Variants in THSD4 observed in about 807,000 individuals in gnomAD.
The protein encoded by THSD4 is thrombospondin type 1 domain containing 4.
In THSD4, 69 loss-of-function variants were observed where a neutral mutation model predicts 119.0. The ratio of observed to expected loss-of-function variants is 0.58; its 90% confidence interval spans 0.48 to 0.71. THSD4 has a LOEUF of 0.71. Ranked by LOEUF, THSD4 falls within the 30% of genes least tolerant of loss-of-function variation. THSD4 has a pLI of 0.00. For missense variants in THSD4, 1,393 were observed against 1,391.1 expected (o/e 1.00, Z -0.02); for synonymous variants, 524 against 540.4 (o/e 0.97, Z 0.42).
intron 6 of THSD4, among the ~76,000 whole-genome samples, chr15:71,258,508 A>G (rs898939860): frequency 2.6e-5 from 4 of 152,190 alleles, no homozygotes; most frequent in Non-Finnish European, 5.9e-5. Context: ...TGTTAACATT[A>G]TGCGAAGCTG....
chr15:71,619,186 G>T lies in THSD4; in HGVS notation c.1153-41344G>T, dbSNP rs150590873. On this transcript the variant is annotated intron_variant, in intron 7 of 17. Transcript: ENST00000261862. ...GGGGTTTCACCATGTTGGCCAGGCT[G>T]GTCTTGAACTCCTGACCTCAGATGA... is the stretch of plus-strand genomic sequence containing the variant. Among the ~76,000 whole-genome samples the T allele has an allele frequency of 5.9e-3, 895 of 151,906 alleles. 7 individuals are homozygous for T. Among genetic ancestry groups the T allele is most frequent in the African/African-American group, 0.021 (866 of 41,408 alleles).
intron 6 of THSD4, among the ~76,000 whole-genome samples, chr15:71,333,845 T>C (rs1287246320): frequency 6.6e-6 from 1 of 152,344 alleles, no homozygotes; most frequent in East Asian, 1.9e-4. Flanking sequence ...TGAAAATATA[T>C]GAACTTTCGT....
chr15:71,510,187 C>A (rs1161633656), intron 7 of THSD4, among the ~76,000 whole-genome samples: 6 of 152,310 alleles, frequency 3.9e-5, no homozygotes, highest in Admixed American at 6.5e-5. Context: ...TAGCGCTCAG[C>A]ACAGTGTCTA....
intron 7 of THSD4, among the ~76,000 whole-genome samples, chr15:71,443,663 G>A (rs527655058): frequency 2.0e-5 from 3 of 148,212 alleles, no homozygotes; most frequent in African/African-American, 7.5e-5. Context: ...CAGAACCGCA[G>A]CATCCCAGAT....
rs371800823 is a variant in THSD4 at position 71,681,741 on chromosome 15, C to CAAGCA, written c.1357+21008_1357+21012dup. ...TAACTAACTGATAGTGAACTAAGAT[C>CAAGCA]AAGCACCGTTTGAGTTGTATCCAGT... On this transcript the variant is annotated intron_variant, in intron 8 of 17. Transcript: ENST00000261862. Among the ~76,000 whole-genome samples, 830 of 151,388 alleles carry CAAGCA rather than the reference C, an allele frequency of 5.5e-3. 8 individuals carry two copies. The highest frequency in any genetic ancestry group is 0.018 in the African/African-American group (744 of 41,284).
chr15:71,720,366 A>G (rs1486654976), intron 8 of THSD4, among the ~76,000 whole-genome samples: 2 of 152,196 alleles, frequency 1.3e-5, no homozygotes, highest in African/African-American at 4.8e-5. Flanking sequence ...CTTCTTTAAC[A>G]TTAAAATAGG....
At chr15:71,660,434 T>C (rs2051278884) in intron 7 of THSD4, 96 bp from the exon 8 acceptor site, 2 of 1,479,250 alleles carry the variant, frequency 1.4e-6, no homozygotes, top group Non-Finnish European at 9.3e-7. Context: ...CGTAAATAGC[T>C]AGAAAAGAAA....
chr15:71,564,665 G>T lies in THSD4; in HGVS notation c.1153-95865G>T, dbSNP rs969921443. 5.5e-3 allele frequency among the ~76,000 whole-genome samples: 68 copies of T among 12,344 alleles called. 9 individuals are homozygous for T. Among genetic ancestry groups the T allele is most frequent in the Non-Finnish European group, 6.7e-3 (37 of 5,530 alleles). The allele number at this position is 12,344 out of a possible 152,430, so 8.1% of individuals were successfully genotyped here. A position where few individuals can be genotyped will look rare whatever the true frequency, so the allele number is the denominator to read the frequency against. Reference sequence around the variant, plus strand: ...ATTATAACATATAATACAATATATAGTATATTATAACATATAATACAATAT... The same window carrying T: ...ATTATAACATATAATACAATATATATTATATTATAACATATAATACAATAT... On this transcript the variant is annotated intron_variant, in intron 7 of 17. Coordinates refer to ENST00000261862, the MANE Select transcript of THSD4 (RefSeq NM_024817.3).
chr15:71,350,338 C>G (rs2140404442), intron 6 of THSD4, among the ~76,000 whole-genome samples: 1 of 152,086 alleles, frequency 6.6e-6, no homozygotes, highest in South Asian at 2.1e-4. Flanking sequence ...TTGGCACCTT[C>G]ACTTTGAAGC....
At chr15:71,511,041 G>A (rs2048276055) in intron 7 of THSD4, among the ~76,000 whole-genome samples, 1 of 152,134 alleles carries the variant, frequency 6.6e-6, no homozygotes, top group African/African-American at 2.4e-5. Context: ...GTGATAAAGA[G>A]ATGTTTTGCT....
chr15:71,593,590 T>C (rs1020872198), intron 7 of THSD4, among the ~76,000 whole-genome samples: 5 of 151,902 alleles, frequency 3.3e-5, no homozygotes, highest in Admixed American at 2.6e-4. Flanking sequence ...GTCCTCGGTG[T>C]TTGGATGCAA....
intron 1 of THSD4, 26 bp from the exon 2 acceptor site, chr15:71,141,422 TA>T: frequency 8.1e-7 from 1 of 1,233,774 alleles, no homozygotes; most frequent in Non-Finnish European, 1.1e-6. Flanking sequence ...TAAATGTTGC[TA>T]AAAATAACAT....
At chr15:71,350,141 TA>T (rs3086680) in intron 6 of THSD4, among the ~76,000 whole-genome samples, 6,865 of 111,134 alleles carry the variant, frequency 0.062, 268 homozygotes, top group African/African-American at 0.16. Context: ...TGCAAATTAC[TA>T]AAAAAAAAAA....
chr15:71,285,704 A>C (rs2044707215), intron 6 of THSD4, among the ~76,000 whole-genome samples: 1 of 152,092 alleles, frequency 6.6e-6, no homozygotes, highest in African/African-American at 2.4e-5. Context: ...AAATACAAAA[A>C]TTAGCTGGGC....
At position 71,215,219 on chromosome 15, in the gene THSD4, C is replaced by A; in HGVS notation, c.284C>A (p.Ala95Asp). 1 of 1,388,728 alleles carries A rather than the reference C, an allele frequency of 7.2e-7. No individual in the cohort carries two copies. The highest frequency in any genetic ancestry group is 9.3e-7 in the Non-Finnish European group (1 of 1,076,658). The allele number at this position is 1,388,728 out of a possible 1,614,324, so 86.0% of individuals were successfully genotyped here. A position where few individuals can be genotyped will look rare whatever the true frequency, so the allele number is the denominator to read the frequency against. The change falls in exon 4 of 18, where the codon GCC becomes GAC. Residue 95 changes from alanine to aspartate, a missense_variant. Coordinates refer to ENST00000261862, the MANE Select transcript of THSD4 (RefSeq NM_024817.3). ...YRLRGGQRPG[A>D]PARAFADHVV... ...CTGCGCGGCGGCCAGCGGCCTGGCG[C>A]CCCTGCGCGCGCCTTCGCGGACCAC...
intron 4 of THSD4, among the ~76,000 whole-genome samples, chr15:71,236,965 G>A (rs534876952): frequency 6.6e-6 from 1 of 152,274 alleles, no homozygotes; most frequent in Non-Finnish European, 1.5e-5. Context: ...TCATTATTTT[G>A]GGAAACGATG....
At chr15:71,322,456 C>T (rs560552396) in intron 6 of THSD4, among the ~76,000 whole-genome samples, 9 of 152,226 alleles carry the variant, frequency 5.9e-5, no homozygotes, top group Admixed American at 1.3e-4. Flanking sequence ...TGGCCTGATA[C>T]GGGGTAATAG....
At chr15:71,127,903 C>G (rs2040468865) in intron 1 of THSD4, among the ~76,000 whole-genome samples, 1 of 152,122 alleles carries the variant, frequency 6.6e-6, no homozygotes, top group Non-Finnish European at 1.5e-5. Context: ...TGTGCAGAAG[C>G]TTTTTAGTTT....
chr15:71,532,283 A>AGAGAGAGAGAGAGAGAGAGTGTGTGT (rs1379506089), intron 7 of THSD4, among the ~76,000 whole-genome samples: 10 of 101,646 alleles, frequency 9.8e-5, no homozygotes, highest in Admixed American at 2.2e-4. Flanking sequence ...AGAGAGAGAG[A>AGAGAGAGAGAGAGAGAGAGTGTGTGT]GTGTGTGTGT....
Sources: gnomAD v4.1 joint callset for allele counts (sites outside exome capture counted in the v4.1 genomes callset) on GRCh38, gnomAD v4.1.1 for gene constraint, MANE v1.5 for transcripts, NCBI Gene and HGNC (gene_info 2026-07-23, HGNC 2026-07-21) for gene names.